Variants in C1QTNF5 observed in about 807,000 individuals in gnomAD.
C1QTNF5 encodes the protein C1q and TNF related 5.
Under a neutral mutation model 10.9 loss-of-function variants are expected in C1QTNF5, and 5 were observed. The observed-to-expected ratio is 0.46, with a 90% confidence interval of 0.24 to 0.97. The LOEUF (loss-of-function observed/expected upper bound fraction) is 0.97, where lower values mean the gene tolerates loss of function less well. C1QTNF5 is among the 50% of genes least tolerant of loss of function. C1QTNF5 has a pLI of 0.19. For synonymous variants in C1QTNF5, 161 were observed against 156.5 expected, an observed-to-expected ratio of 1.03 and a Z score of -0.22; for missense variants, 281 against 339.4, an observed-to-expected ratio of 0.83 and a Z score of 1.35.
At chr11:119,343,262 G>A (rs1286087038), upstream of C1QTNF5, among the ~76,000 whole-genome samples, 1 of 152,244 alleles carries the variant, frequency 6.6e-6, no homozygotes, top group Non-Finnish European at 1.5e-5. Flanking sequence ...TGTAATCCCA[G>A]CATTTTGGGA....
rs1445486669 is a variant in C1QTNF5, at chr11:119,339,721, C to CCGGCTCT, written c.335_341dup (p.Val115GlufsTer8). ...AGGGTGCGTCAGACGGCGGAGGCACCCGGCTCTCGGAGCGCTTGGCGCTGA... is the reference window on the plus strand; with the variant it reads ...AGGGTGCGTCAGACGGCGGAGGCACCCGGCTCTCGGCTCTCGGAGCGCTTGGCGCTGA... On this transcript the variant is annotated frameshift_variant, in exon 3 of 3. Transcript: ENST00000528368. LOFTEE classifies it low-confidence loss of function (END_TRUNC). The surrounding 1 kb of genome is among the most constrained non-coding windows in gnomAD (Gnocchi z 5.4). 1 of 1,601,866 alleles carries CCGGCTCT rather than the reference C, an allele frequency of 6.2e-7. No individual in the cohort carries two copies. The highest frequency in any genetic ancestry group is 8.5e-7 in the Non-Finnish European group (1 of 1,178,552).
At chr11:119,341,451 A>C, upstream of C1QTNF5, 62 of 1,037,284 alleles carry the variant, frequency 6.0e-5, no homozygotes, top group Non-Finnish European at 8.2e-5. Flanking sequence ...AAGGATGGGT[A>C]GAGACCCTGC....
upstream of C1QTNF5, chr11:119,344,980 G>T (rs765386106): frequency 1.9e-5 from 30 of 1,606,960 alleles, no homozygotes; most frequent in Admixed American, 3.4e-5. Context: ...TGTTGAGCGT[G>T]GGGGGAGGCA....
upstream of C1QTNF5, chr11:119,342,551 G>A (rs770467284): frequency 1.0e-4 from 165 of 1,609,086 alleles, no homozygotes; most frequent in South Asian, 1.8e-3. Context: ...GTTCTGTGAG[G>A]TGGGCACCCA....
upstream of C1QTNF5, chr11:119,342,742 G>C (rs1466431419): frequency 6.2e-7 from 1 of 1,613,502 alleles, no homozygotes; most frequent in Non-Finnish European, 8.5e-7. Flanking sequence ...AGGCACAAGG[G>C]GCATGGCAGT....
chr11:119,341,402 G>A (rs1591301420), upstream of C1QTNF5: 1 of 675,786 alleles, frequency 1.5e-6, no homozygotes, highest in East Asian at 2.7e-5. Flanking sequence ...ATGAGCCCCA[G>A]CTGAGGACTT....
At chr11:119,342,648 G>A (rs1565293135), upstream of C1QTNF5, 1 of 1,613,686 alleles carries the variant, frequency 6.2e-7, no homozygotes, top group East Asian at 2.2e-5. Context: ...CATCGGTGCA[G>A]TCTCTCCACA....
chr11:119,339,861 C>T lies in C1QTNF5; in HGVS notation c.215-13G>A, dbSNP rs545270548. The T allele has an allele frequency of 2.1e-6, 3 of 1,463,162 alleles. No homozygotes were observed. Among genetic ancestry groups the T allele is most frequent in the Admixed American group, 5.1e-5 (2 of 39,128 alleles). The allele number at this position is 1,463,162 out of a possible 1,614,324, so 90.6% of individuals were successfully genotyped here. On this transcript the variant is annotated splice_polypyrimidine_tract_variant and intron_variant, in intron 2 of 2. Coordinates refer to ENST00000528368, the MANE Select transcript of C1QTNF5 (RefSeq NM_001278431.2). This position sits in a 1 kb window ranked among gnomAD's most constrained non-coding sequence, Gnocchi z 5.4. The stretch of plus-strand genomic sequence containing the variant: ...GGTCCCGGCAGTCCTGCGGGGTAAG[C>T]GGGGCGGCAGGGTGAGAGTAGCGGC...
In C1QTNF5 at chr11:119,340,454, A is replaced by G; in HGVS notation, c.-43-14T>C. The stretch of plus-strand genomic sequence containing the variant: ...TCCTCTCGCAGTCTGTGGACCAGGC[A>G]GGACTGGAGTCGGGACCCAGAATCC... On this transcript the variant is annotated splice_polypyrimidine_tract_variant and intron_variant, in intron 1 of 2. Coordinates refer to ENST00000528368, the MANE Select transcript of C1QTNF5 (RefSeq NM_001278431.2). 1 of 1,511,670 alleles carries G rather than the reference A, an allele frequency of 6.6e-7. No individual in the cohort carries two copies. Among genetic ancestry groups the G allele is most frequent in the South Asian group, 1.2e-5 (1 of 82,966 alleles). The allele number at this position is 1,511,670 out of a possible 1,614,324, so 93.6% of individuals were successfully genotyped here. A position where few individuals can be genotyped will look rare whatever the true frequency, so the allele number is the denominator to read the frequency against.
At chr11:119,340,908 G>GAAAT, upstream of C1QTNF5, 1 of 169,634 alleles carries the variant, frequency 5.9e-6, no homozygotes, top group Admixed American at 6.2e-5. Flanking sequence ...CCCGGACCGG[G>GAAAT]AAATAGCTGG....
the C1QTNF5 span, chr11:119,346,154 G>A: frequency 1.2e-5 from 19 of 1,590,128 alleles, no homozygotes; most frequent in Admixed American, 3.6e-5. Flanking sequence ...CCTCGAGGAC[G>A]CCGACCTGCG....
upstream of C1QTNF5, chr11:119,345,000 A>T: frequency 6.2e-7 from 1 of 1,604,462 alleles, no homozygotes; most frequent in Non-Finnish European, 8.5e-7. Flanking sequence ...ACCCTTCCAC[A>T]AACCCTGCAA....
At chr11:119,344,199 T>C (rs974414343), upstream of C1QTNF5, 97 of 1,098,214 alleles carry the variant, frequency 8.8e-5, no homozygotes, top group Non-Finnish European at 1.2e-4. Flanking sequence ...GTCTGCTTGA[T>C]CTCTGACCTT....
At chr11:119,344,774 G>C, upstream of C1QTNF5, 2 of 1,613,910 alleles carry the variant, frequency 1.2e-6, no homozygotes, top group South Asian at 2.2e-5. Context: ...GTGGGCACCA[G>C]GAGTCAGGGA....
rs1339086905 is a variant in C1QTNF5 at position 119,339,611 on chromosome 11, T to A, written c.452A>T (p.Tyr151Phe). The A allele has an allele frequency of 1.9e-6, 3 of 1,613,132 alleles. No individual in the cohort carries two copies. The highest frequency in any genetic ancestry group is 2.5e-6 in the Non-Finnish European group (3 of 1,180,016). ...GACGGTGGCATGGACGGCGAAGTAGTAGACCCCAGGCACCTGGCAGGTGAA... is the reference window on the plus strand; with the variant it reads ...GACGGTGGCATGGACGGCGAAGTAGAAGACCCCAGGCACCTGGCAGGTGAA... ...GKFTCQVPGV[Y>F]YFAVHATVYR... is the part of the protein sequence containing the mutation. Residue 151 changes from tyrosine (Y) to phenylalanine (F), a missense_variant, in exon 3 of 3, where the codon TAC (tyrosine) becomes TTC (phenylalanine). Transcript: ENST00000528368. This position sits in a 1 kb window ranked among gnomAD's most constrained non-coding sequence, Gnocchi z 5.4.
At chr11:119,340,579 A>G in intron 1 of C1QTNF5, 116 bp downstream of exon 1, 1 of 630,640 alleles carries the variant, frequency 1.6e-6, no homozygotes, top group East Asian at 3.2e-5. Flanking sequence ...GCATCCGGAG[A>G]GCACAGGCAG....
chr11:119,345,432 C>T (rs150902999), upstream of C1QTNF5: 8 of 1,613,702 alleles, frequency 5.0e-6, no homozygotes, highest in East Asian at 4.5e-5. Context: ...GAGGAGGGGG[C>T]CTTCAGGCTC....
At chr11:119,343,410 A>C (rs1019833407), upstream of C1QTNF5, among the ~76,000 whole-genome samples, 1 of 152,228 alleles carries the variant, frequency 6.6e-6, no homozygotes, top group African/African-American at 2.4e-5. Context: ...CCAGCTACTT[A>C]GGAGGCTGAG....
At chr11:119,344,172 A>G, upstream of C1QTNF5, 1 of 965,728 alleles carries the variant, frequency 1.0e-6, no homozygotes, top group Non-Finnish European at 1.6e-6. Context: ...GCACTTAATA[A>G]TATTCCCCCA....
Sources: allele counts gnomAD v4.1 joint callset (sites outside exome capture counted in the v4.1 genomes callset), GRCh38; gene constraint gnomAD v4.1.1; non-coding constraint Gnocchi (gnomAD v3.1); transcripts MANE v1.5; gene names NCBI Gene and HGNC (gene_info 2026-07-23, HGNC 2026-07-21).